The following CNTNAP2 variants were observed in gnomAD, a reference collection of about 807,000 sequenced individuals.
CNTNAP2 encodes the protein contactin associated protein 2, also known as contactin-associated protein-like 2.
In CNTNAP2, 98 loss-of-function variants were observed where a neutral mutation model predicts 155.2. The ratio of observed to expected loss-of-function variants is 0.63; its 90% CI spans 0.54 to 0.75. The LOEUF (loss-of-function observed/expected upper bound fraction) is 0.75, where lower values mean the gene tolerates loss of function less well. Ranked by LOEUF, CNTNAP2 falls within the 30% of genes least tolerant of loss-of-function variation. CNTNAP2 has a pLI of 0.00. For synonymous variants in CNTNAP2, 651 were observed against 631.2 expected (o/e 1.03, Z -0.47); for missense variants, 1,727 against 1,688.1 (o/e 1.02, Z -0.40).
intron 3 of CNTNAP2, among the ~76,000 whole-genome samples, chr7:147,040,352 T>C (rs1382142614): frequency 6.6e-6 from 1 of 152,142 alleles, no homozygotes; most frequent in East Asian, 1.9e-4. Flanking sequence ...TGAAGCATTT[T>C]AGCAGAAGGG....
chr7:146,517,086 A>T (rs187091481), intron 1 of CNTNAP2, among the ~76,000 whole-genome samples: 4 of 152,024 alleles, frequency 2.6e-5, no homozygotes, highest in African/African-American at 9.6e-5. Flanking sequence ...ACGGTGATGA[A>T]CTCTGGTGTC....
At chr7:148,314,721 G>T (rs573106178) in intron 21 of CNTNAP2, among the ~76,000 whole-genome samples, 64 of 152,182 alleles carry the variant, frequency 4.2e-4, no homozygotes, top group African/African-American at 1.4e-3. Flanking sequence ...GGGGTTAGGG[G>T]GTTCTTGCCC....
intron 1 of CNTNAP2, among the ~76,000 whole-genome samples, chr7:146,529,777 C>T (rs778649786): frequency 2.0e-5 from 3 of 151,896 alleles, no homozygotes; most frequent in Non-Finnish European, 2.9e-5. Flanking sequence ...CCATCCTGGC[C>T]AACATGGTGA....
intron 8 of CNTNAP2, among the ~76,000 whole-genome samples, chr7:147,153,071 G>T (rs893699115): frequency 1.3e-5 from 2 of 151,826 alleles, no homozygotes; most frequent in African/African-American, 2.4e-5. Context: ...CATAAAGATA[G>T]GTATGCTACC....
intron 21 of CNTNAP2, among the ~76,000 whole-genome samples, chr7:148,375,654 C>T (rs549612141): frequency 1.3e-4 from 20 of 151,556 alleles, no homozygotes; most frequent in African/African-American, 2.7e-4. Context: ...CCACCATGCC[C>T]GGCCATTACA....
intron 2 of CNTNAP2, among the ~76,000 whole-genome samples, chr7:146,805,894 A>T (rs930491220): frequency 6.6e-6 from 1 of 152,116 alleles, no homozygotes; most frequent in Non-Finnish European, 1.5e-5. Context: ...CCAGAAGTCA[A>T]TTTTTTTTAA....
chr7:147,562,372 C>A (rs1374422290), intron 12 of CNTNAP2, 115 bp downstream of exon 12: 2 of 1,280,042 alleles, frequency 1.6e-6, no homozygotes, highest in Non-Finnish European at 2.2e-6. Flanking sequence ...ATCTAATCAG[C>A]AACATATTGC....
At chr7:147,314,444 G>T (rs1188976822) in intron 9 of CNTNAP2, among the ~76,000 whole-genome samples, 3 of 142,012 alleles carry the variant, frequency 2.1e-5, no homozygotes, top group Non-Finnish European at 4.9e-5. Flanking sequence ...AGTTACTATG[G>T]CATCATTCCT....
intron 4 of CNTNAP2, among the ~76,000 whole-genome samples, chr7:147,102,230 A>C (rs1329087303): frequency 6.8e-6 from 1 of 147,856 alleles, no homozygotes; most frequent in Non-Finnish European, 1.5e-5. Flanking sequence ...CCACTGCACA[A>C]AGCTCTATAT....
At chr7:147,448,484 G>GTGTA (rs778509274) in intron 10 of CNTNAP2, among the ~76,000 whole-genome samples, 2,253 of 143,422 alleles carry the variant, frequency 0.016, 61 homozygotes, top group African/African-American at 0.055. Context: ...GTGTGTGTGT[G>GTGTA]TATATATATA....
intron 13 of CNTNAP2, among the ~76,000 whole-genome samples, chr7:147,832,807 TTA>T (rs1045361635): frequency 7.1e-6 from 1 of 141,156 alleles, no homozygotes; most frequent in East Asian, 2.1e-4. Context: ...TGTAATTTAA[TTA>T]TATATAGTTA....
rs569990926 is a variant in CNTNAP2, at chr7:148,419,242, A to C, written c.*3626A>C. The C allele has an allele frequency of 1.3e-5, 2 of 152,208 alleles. No individual in the cohort carries two copies. The highest frequency in any genetic ancestry group is 1.9e-4 in the East Asian group (1 of 5,184). 9.4% of individuals were successfully genotyped at this position (152,208 alleles called of 1,614,324 possible). On this transcript the variant is annotated 3_prime_UTR_variant, in exon 24 of 24. Coordinates refer to ENST00000361727, the MANE Select transcript of CNTNAP2 (RefSeq NM_014141.6). ...TTTTCTTTTCACCACCCTGTTGAGC[A>C]ATTTTCCCAAAAAAAGGGCAGCAAT... is the stretch of plus-strand genomic sequence containing the variant.
chr7:146,187,000 G>T (rs1475878430), intron 1 of CNTNAP2, among the ~76,000 whole-genome samples: 3 of 152,082 alleles, frequency 2.0e-5, no homozygotes, highest in Non-Finnish European at 4.4e-5. Context: ...TACTCCACTA[G>T]CCCTGCATCT....
intron 9 of CNTNAP2, among the ~76,000 whole-genome samples, chr7:147,376,151 T>C (rs1224046495): frequency 6.6e-6 from 1 of 152,084 alleles, no homozygotes; most frequent in Non-Finnish European, 1.5e-5. Flanking sequence ...AAAACATTTA[T>C]GGATTCATCA....
chr7:146,566,127 C>G lies in CNTNAP2; in HGVS notation c.98-208144C>G, dbSNP rs1247929605. Among the ~76,000 whole-genome samples, 3 of 152,232 alleles carry G rather than the reference C, an allele frequency of 2.0e-5. No homozygotes were observed. In the East Asian group the frequency reaches 5.8e-4, roughly 29 times the overall value. On this transcript the variant is annotated intron_variant, in intron 1 of 23. Coordinates refer to ENST00000361727, the MANE Select transcript of CNTNAP2 (RefSeq NM_014141.6). ...GTAGGCTCTGGGAGGTGAACATCAG[C>G]TTTGTTATTCCAGCTGGGTGCTGCA...
chr7:147,146,907 A>G (rs781635796), intron 8 of CNTNAP2, among the ~76,000 whole-genome samples: 5 of 152,198 alleles, frequency 3.3e-5, no homozygotes, highest in Non-Finnish European at 5.9e-5. Context: ...TGATCAAGGA[A>G]AGAGTACTTC....
intron 1 of CNTNAP2, among the ~76,000 whole-genome samples, chr7:146,188,153 C>T (rs992706027): frequency 1.5e-4 from 23 of 152,144 alleles, no homozygotes; most frequent in African/African-American, 4.3e-4. Flanking sequence ...AAAAACAATC[C>T]ATATTGAAAC....
intron 1 of CNTNAP2, among the ~76,000 whole-genome samples, chr7:146,126,550 A>T (rs1028559562): frequency 6.6e-6 from 1 of 152,220 alleles, no homozygotes; most frequent in African/African-American, 2.4e-5. Flanking sequence ...ATTTAAAGCT[A>T]TGTAAAATAT....
rs575951335 is a variant in CNTNAP2, at chr7:147,891,612, A to G, written c.2099-11953A>G. Among the ~76,000 whole-genome samples the G allele has an allele frequency of 3.3e-4, 51 of 152,302 alleles. No homozygotes were observed. In the South Asian group the frequency reaches 0.011, roughly 32 times the overall value. On this transcript the variant is annotated intron_variant, in intron 13 of 23. Transcript: ENST00000361727. ...AGAAATGAAGAAAAGGGATATAAAC[A>G]CAACTATTTCCCAATATATTTAAAT...
Sources: allele counts gnomAD v4.1 joint callset (sites outside exome capture counted in the v4.1 genomes callset), GRCh38; gene constraint gnomAD v4.1.1; transcripts MANE v1.5; gene names NCBI Gene and HGNC (gene_info 2026-07-23, HGNC 2026-07-21).